The following STAC variants were observed in gnomAD, a reference collection of about 807,000 sequenced individuals.
STAC encodes the protein SH3 and cysteine-rich domain-containing protein.
A neutral mutation model predicts 48.8 loss-of-function variants in STAC; 43 were observed. That is an observed-to-expected ratio of 0.88 (90% CI 0.69 to 1.14). The LOEUF is 1.14. Among genes scored for constraint, STAC ranks in the 50% most tolerant of loss-of-function variants. STAC has a pLI of 0.00. For synonymous variants in STAC, 193 were observed against 179.5 expected (o/e 1.07, Z -0.60); for missense variants, 497 against 504.0 (o/e 0.99, Z 0.13).
chr3:36,443,474 C>A lies in STAC; in HGVS notation c.222C>A (p.His74Gln), dbSNP rs1408136524. 1 of 1,614,244 alleles carries A rather than the reference C, an allele frequency of 6.2e-7. No homozygotes were observed. Among genetic ancestry groups the A allele is most frequent in the South Asian group, 1.1e-5 (1 of 91,080 alleles). The change falls in exon 2 of 11, where the codon CAC (histidine) becomes CAA (glutamine). Residue 74 changes from histidine (H) to glutamine (Q), a missense_variant. Transcript: ENST00000273183. The surrounding 1 kb of genome is among the most constrained non-coding windows in gnomAD (Gnocchi z 4.2). ...TNSEDMKLQA[H>Q]MVAEISPSSS... is the part of the protein sequence containing the mutation. ...GCGAAGACATGAAACTGCAAGCACA[C>A]ATGGTGGCTGAGATCAGCCCCAGCT...
At chr3:36,402,960 A>C (rs1279365728) in intron 1 of STAC, among the ~76,000 whole-genome samples, 1 of 152,200 alleles carries the variant, frequency 6.6e-6, no homozygotes, top group Non-Finnish European at 1.5e-5. Context: ...CTAAAGCATA[A>C]ACCAAAAGGA....
intron 1 of STAC, among the ~76,000 whole-genome samples, chr3:36,432,939 A>G (rs1364408586): frequency 6.6e-6 from 1 of 152,236 alleles, no homozygotes; most frequent in East Asian, 1.9e-4. Flanking sequence ...AGCCTGGTGT[A>G]TAATAAGAGT....
At chr3:36,381,795 G>A (rs1478346684) in intron 1 of STAC, among the ~76,000 whole-genome samples, 3 of 152,116 alleles carry the variant, frequency 2.0e-5, no homozygotes, top group Non-Finnish European at 4.4e-5. Context: ...GTGATACTGG[G>A]CACTGTACAT....
intron 2 of STAC, among the ~76,000 whole-genome samples, chr3:36,447,649 C>CCACA (rs3061960): frequency 0.03 from 4,388 of 146,350 alleles, 83 homozygotes; most frequent in African/African-American, 0.06. Flanking sequence ...TGTATACACA[C>CCACA]CACACACACA....
intron 1 of STAC, among the ~76,000 whole-genome samples, chr3:36,386,478 T>C (rs1229665519): frequency 6.6e-6 from 1 of 152,062 alleles, no homozygotes; most frequent in South Asian, 2.1e-4. Context: ...TTCTTACATT[T>C]TTCTCTTCTA....
chr3:36,468,843 T>A (rs1697249173), intron 2 of STAC, among the ~76,000 whole-genome samples: 1 of 151,418 alleles, frequency 6.6e-6, no homozygotes, highest in South Asian at 2.1e-4. Context: ...TATATAATGT[T>A]CCTCTTCTTC....
intron 2 of STAC, among the ~76,000 whole-genome samples, chr3:36,475,587 C>T (rs1171797289): frequency 2.6e-5 from 4 of 152,218 alleles, no homozygotes; most frequent in Non-Finnish European, 5.9e-5. Flanking sequence ...AAATCTGAAG[C>T]ATCTGTCAGG....
intron 6 of STAC, among the ~76,000 whole-genome samples, chr3:36,501,159 C>A (rs1470128395): frequency 6.6e-6 from 1 of 151,914 alleles, no homozygotes; most frequent in African/African-American, 2.4e-5. Context: ...ATATTTAAAG[C>A]TAAATAAGAA....
intron 1 of STAC, among the ~76,000 whole-genome samples, chr3:36,411,516 G>T (rs748437439): frequency 2.6e-5 from 4 of 152,184 alleles, no homozygotes; most frequent in Non-Finnish European, 4.4e-5. Flanking sequence ...GGATCAAAGA[G>T]TGCTGGTGGG....
chr3:36,502,771 C>CT (rs1698310410), intron 6 of STAC, among the ~76,000 whole-genome samples: 1 of 152,128 alleles, frequency 6.6e-6, no homozygotes, highest in South Asian at 2.1e-4. Context: ...AATCTCTACT[C>CT]TTTTTAGACT....
At chr3:36,418,302 A>C (rs919838487) in intron 1 of STAC, among the ~76,000 whole-genome samples, 8 of 152,152 alleles carry the variant, frequency 5.3e-5, no homozygotes, top group Non-Finnish European at 1.2e-4. Flanking sequence ...TGTATCTCTT[A>C]AAGTTTTTAC....
chr3:36,493,988 A>C (rs1698064750), intron 6 of STAC, among the ~76,000 whole-genome samples: 6 of 151,136 alleles, frequency 4.0e-5, no homozygotes. Flanking sequence ...GTCTCTACTA[A>C]AAATACAAAA....
At chr3:36,508,322 G>A (rs1384988325) in intron 8 of STAC, among the ~76,000 whole-genome samples, 2 of 152,086 alleles carry the variant, frequency 1.3e-5, no homozygotes, top group African/African-American at 4.8e-5. Flanking sequence ...CATTTGCTGA[G>A]GTGTGTTTTA....
intron 2 of STAC, among the ~76,000 whole-genome samples, chr3:36,460,883 AC>A (rs1401564180): frequency 1.3e-5 from 2 of 152,224 alleles, no homozygotes; most frequent in South Asian, 4.1e-4. Context: ...ATAGGAAACC[AC>A]AAAAAAATCC....
intron 1 of STAC, among the ~76,000 whole-genome samples, chr3:36,432,348 T>C (rs11129714): frequency 0.34 from 51,002 of 152,032 alleles, 8,691 homozygotes; most frequent in African/African-American, 0.36. Context: ...AAGTCTTCAC[T>C]GTGTCTCTTC....
rs114327493 is a variant in STAC, at chr3:36,438,804, A to T, written c.112-4560A>T. ...TTTGAAAGGAGAAGTAAAGCACATG[A>T]GCACAGGAGGGAGACAAGATTGGAT... On this transcript the variant is annotated intron_variant, in intron 1 of 10. Coordinates refer to ENST00000273183, the MANE Select transcript of STAC (RefSeq NM_003149.3). 4.3e-3 allele frequency among the ~76,000 whole-genome samples: 655 copies of T among 152,316 alleles called. 1 individual carries two copies. The highest frequency in any genetic ancestry group is 0.014 in the African/African-American group (586 of 41,554).
intron 8 of STAC, among the ~76,000 whole-genome samples, chr3:36,514,100 A>C (rs1329914067): frequency 6.6e-6 from 1 of 150,726 alleles, no homozygotes; most frequent in Non-Finnish European, 1.5e-5. Flanking sequence ...AAAACTGTCC[A>C]ATGTCCTCCC....
At chr3:36,521,704 T>C (rs1292418602) in intron 8 of STAC, among the ~76,000 whole-genome samples, 3 of 152,178 alleles carry the variant, frequency 2.0e-5, no homozygotes, top group Non-Finnish European at 4.4e-5. Flanking sequence ...AAGGCAATGA[T>C]TAGAATAAAT....
At chr3:36,420,396 G>T (rs1485079198) in intron 1 of STAC, among the ~76,000 whole-genome samples, 2 of 151,860 alleles carry the variant, frequency 1.3e-5, no homozygotes, top group African/African-American at 4.8e-5. Context: ...TTTCACCAGG[G>T]GTCCCCAACC....
Sources: gnomAD v4.1 joint callset for allele counts (sites outside exome capture counted in the v4.1 genomes callset) on GRCh38, gnomAD v4.1.1 for gene constraint, Gnocchi (gnomAD v3.1) non-coding constraint, MANE v1.5 for transcripts, NCBI Gene and HGNC (gene_info 2026-07-23, HGNC 2026-07-21) for gene names.